The following AUTS2 variants were observed in gnomAD, a reference collection of about 807,000 sequenced individuals.
The protein encoded by AUTS2 is autism susceptibility gene 2 protein.
In AUTS2, 17 loss-of-function variants were observed where a neutral mutation model predicts 112.4. The ratio of observed to expected loss-of-function variants is 0.15; its 90% confidence interval spans 0.10 to 0.23. The LOEUF (loss-of-function observed/expected upper bound fraction) is 0.23, where lower values mean the gene tolerates loss of function less well. Ranked by LOEUF, AUTS2 falls within the 10% of genes least tolerant of loss-of-function variation. The pLI is 1.00. For synonymous variants in AUTS2, 751 were observed against 702.7 expected (o/e 1.07, Z -1.09); for missense variants, 1,510 against 1,701.6 (o/e 0.89, Z 1.98).
intron 1 of AUTS2, among the ~76,000 whole-genome samples, chr7:69,796,032 G>T (rs878981204): frequency 6.6e-6 from 1 of 152,198 alleles, no homozygotes; most frequent in Admixed American, 6.5e-5. Context: ...TGCTTTGAGA[G>T]GGTCTGTCAG....
chr7:70,345,927 G>A (rs1292010589), intron 4 of AUTS2, among the ~76,000 whole-genome samples: 1 of 152,106 alleles, frequency 6.6e-6, no homozygotes, highest in Non-Finnish European at 1.5e-5. Context: ...TGAGGTCCCA[G>A]TGTCCTGAAT....
At chr7:70,399,631 T>C (rs1470380124) in intron 4 of AUTS2, among the ~76,000 whole-genome samples, 1 of 152,180 alleles carries the variant, frequency 6.6e-6, no homozygotes, top group Non-Finnish European at 1.5e-5. Flanking sequence ...TTAGTGAGTG[T>C]CTAAAACACT....
chr7:69,990,825 A>G (rs922420576), intron 2 of AUTS2, among the ~76,000 whole-genome samples: 2 of 152,220 alleles, frequency 1.3e-5, no homozygotes, highest in Non-Finnish European at 1.5e-5. Flanking sequence ...CATCCCAAAT[A>G]TGAAATGCTG....
At chr7:70,183,008 G>T (rs575069284) in intron 4 of AUTS2, among the ~76,000 whole-genome samples, 1 of 152,228 alleles carries the variant, frequency 6.6e-6, no homozygotes, top group South Asian at 2.1e-4. Context: ...CACTGTGTCC[G>T]CGTTTCCATT....
intron 1 of AUTS2, among the ~76,000 whole-genome samples, chr7:69,815,571 G>C (rs1217537796): frequency 6.6e-6 from 1 of 152,106 alleles, no homozygotes; most frequent in African/African-American, 2.4e-5. Context: ...CTGGAGTGCA[G>C]TGGCATGATC....
chr7:70,230,370 C>T (rs934465165), intron 4 of AUTS2, among the ~76,000 whole-genome samples: 1 of 152,126 alleles, frequency 6.6e-6, no homozygotes, highest in Non-Finnish European at 1.5e-5. Flanking sequence ...GAGTTTGCCA[C>T]CACCCTTACC....
At chr7:70,237,529 C>T (rs1300314069) in intron 4 of AUTS2, among the ~76,000 whole-genome samples, 2 of 152,182 alleles carry the variant, frequency 1.3e-5, no homozygotes, top group African/African-American at 4.8e-5. Context: ...TTTTCTTAAT[C>T]TTTACCACTG....
At chr7:70,108,545 C>T (rs1343551353) in intron 2 of AUTS2, among the ~76,000 whole-genome samples, 2 of 152,122 alleles carry the variant, frequency 1.3e-5, no homozygotes, top group East Asian at 3.9e-4. Flanking sequence ...ATAGGTATTG[C>T]TCCCCCTATC....
chr7:70,017,467 C>G (rs570047834), intron 2 of AUTS2, among the ~76,000 whole-genome samples: 49 of 152,370 alleles, frequency 3.2e-4, no homozygotes, highest in Non-Finnish European at 6.0e-4. Flanking sequence ...TTGGCCACAG[C>G]TGCAGGGCAG....
intron 2 of AUTS2, among the ~76,000 whole-genome samples, chr7:69,942,561 C>G (rs1002833628): frequency 2.6e-5 from 4 of 152,136 alleles, no homozygotes; most frequent in African/African-American, 9.7e-5. Flanking sequence ...AGAAAGCCCG[C>G]TATTAAATAA....
chr7:70,588,418 C>T (rs1802782058), intron 5 of AUTS2, among the ~76,000 whole-genome samples: 1 of 152,034 alleles, frequency 6.6e-6, no homozygotes, highest in Admixed American at 6.6e-5. Context: ...AGGGGGACGA[C>T]GGGGAAGAGA....
intron 1 of AUTS2, among the ~76,000 whole-genome samples, chr7:69,777,431 A>T (rs1788944162): frequency 6.6e-6 from 1 of 152,196 alleles, no homozygotes; most frequent in Admixed American, 6.5e-5. Context: ...TTGATTGAAG[A>T]TCTTGCTACC....
At chr7:70,300,645 A>T (rs1789170422) in intron 4 of AUTS2, among the ~76,000 whole-genome samples, 1 of 152,174 alleles carries the variant, frequency 6.6e-6, no homozygotes, top group Admixed American at 6.5e-5. Flanking sequence ...TATTAAAGCC[A>T]TCAAGCCAGC....
At chr7:69,939,142 C>G (rs1245810819) in intron 2 of AUTS2, among the ~76,000 whole-genome samples, 1 of 152,132 alleles carries the variant, frequency 6.6e-6, no homozygotes, top group African/African-American at 2.4e-5. Context: ...AACTTTCTTA[C>G]CTATAAATGC....
chr7:70,608,416 G>A (rs1024842374), intron 5 of AUTS2, among the ~76,000 whole-genome samples: 3 of 152,162 alleles, frequency 2.0e-5, no homozygotes, highest in Admixed American at 1.3e-4. Flanking sequence ...AATCTTTGAC[G>A]GTTTGACAGA....
At chr7:70,609,995 GTTGTTGT>G (rs761916040) in intron 5 of AUTS2, among the ~76,000 whole-genome samples, 5 of 128,378 alleles carry the variant, frequency 3.9e-5, no homozygotes, top group African/African-American at 1.4e-4. Flanking sequence ...TGTTGTTGTT[GTTGTTGT>G]TTTGAGACAG....
chr7:70,090,733 T>C (rs1441876070), intron 2 of AUTS2, among the ~76,000 whole-genome samples: 1 of 149,468 alleles, frequency 6.7e-6, no homozygotes, highest in Non-Finnish European at 1.5e-5. Flanking sequence ...GACTGGAGTG[T>C]AGTGGCATGA....
chr7:70,391,735 G>A (rs768016044), intron 4 of AUTS2, among the ~76,000 whole-genome samples: 10 of 152,090 alleles, frequency 6.6e-5, no homozygotes, highest in East Asian at 3.9e-4. Flanking sequence ...CACCTACTAC[G>A]TGGCATACAT....
intron 5 of AUTS2, among the ~76,000 whole-genome samples, chr7:70,507,952 C>G (rs1799034999): frequency 6.6e-6 from 1 of 152,154 alleles, no homozygotes; most frequent in African/African-American, 2.4e-5. Context: ...ATTCCAAAGA[C>G]TTAATTTTTT....
Sources: allele counts gnomAD v4.1 joint callset (sites outside exome capture counted in the v4.1 genomes callset), GRCh38; gene constraint gnomAD v4.1.1; transcripts MANE v1.5; gene names NCBI Gene and HGNC (gene_info 2026-07-23, HGNC 2026-07-21).